Variants in VPS8 observed in about 807,000 individuals in gnomAD.
VPS8 encodes vacuolar protein sorting-associated protein 8 homolog.
Under a neutral mutation model 216.4 loss-of-function variants are expected in VPS8, and 129 were observed. The ratio of observed to expected loss-of-function variants is 0.60; its 90% CI spans 0.52 to 0.69. The LOEUF (loss-of-function observed/expected upper bound fraction) is 0.69. Among genes scored for constraint, VPS8 ranks in the 30% least tolerant of loss-of-function variants. VPS8 has a pLI of 0.00. For missense variants in VPS8, 1,531 were observed against 1,683.5 expected, an observed-to-expected ratio of 0.91 and a Z score of 1.59; for synonymous variants, 571 against 565.4, an observed-to-expected ratio of 1.01 and a Z score of -0.14.
Position 184,920,179 on chromosome 3 carries a change from T to C in VPS8, c.2435T>C (p.Ile812Thr). Residue 812 changes from isoleucine to threonine, a missense_variant, in exon 29 of 48, where the codon ATT becomes ACT. Ile to Thr is a moderately conservative substitution (Grantham distance 89, BLOSUM62 -1). This residue lies in a region of VPS8 where 1,318 missense variants were observed against 1,468.4 expected (regional missense o/e 0.90). Coordinates refer to ENST00000625842, the MANE Select transcript of VPS8 (RefSeq NM_001009921.3). ...DKQAVEYQQR[I>T]VDILLKVMVE... is the part of the protein sequence containing the mutation. ...CAAGCTGTGGAATATCAACAGCGAATTGTGGATATTTTGTTGAAAGTAAGT... is the reference window on the plus strand; with the variant it reads ...CAAGCTGTGGAATATCAACAGCGAACTGTGGATATTTTGTTGAAAGTAAGT... 6.6e-7 allele frequency: 1 copy of C among 1,524,232 alleles called. No homozygotes were observed. Among genetic ancestry groups the C allele is most frequent in the Non-Finnish European group, 8.8e-7 (1 of 1,136,494 alleles). The allele number at this position is 1,524,232 out of a possible 1,614,324, so 94.4% of individuals were successfully genotyped here.
chr3:184,868,910 C>A (rs1160454556), intron 18 of VPS8, 36 bp from the exon 19 acceptor site: 4 of 1,567,200 alleles, frequency 2.6e-6, no homozygotes, highest in Middle Eastern at 1.7e-4. Flanking sequence ...ACTGGTCAGA[C>A]AAAGGGGCCT....
At chr3:185,014,082 A>C (rs1577160153) in intron 45 of VPS8, among the ~76,000 whole-genome samples, 1 of 152,220 alleles carries the variant, frequency 6.6e-6, no homozygotes, top group Non-Finnish European at 1.5e-5. Context: ...GTGATTACAT[A>C]CAGGCATTAT....
chr3:184,952,031 C>A (rs978339099), intron 36 of VPS8, among the ~76,000 whole-genome samples: 2 of 152,166 alleles, frequency 1.3e-5, no homozygotes, highest in Admixed American at 6.5e-5. Flanking sequence ...GTTATTCATA[C>A]TTATGTCTGG....
At chr3:184,815,996 A>G (rs961825534) in intron 1 of VPS8, 13 of 152,270 alleles carry the variant, frequency 8.5e-5, no homozygotes, top group Admixed American at 4.6e-4. Flanking sequence ...ATTTACCTGC[A>G]TCAGTCAGTT....
intron 26 of VPS8, among the ~76,000 whole-genome samples, chr3:184,913,785 G>A (rs1737010778): frequency 6.6e-6 from 1 of 152,126 alleles, no homozygotes; most frequent in Non-Finnish European, 1.5e-5. Flanking sequence ...GCTAGAGAAG[G>A]GATGCTACTG....
At chr3:184,973,521 T>C (rs1200352739) in intron 40 of VPS8, among the ~76,000 whole-genome samples, 1 of 152,222 alleles carries the variant, frequency 6.6e-6, no homozygotes, top group Non-Finnish European at 1.5e-5. Flanking sequence ...AGGATATCTG[T>C]CACCTCAAAC....
At chr3:184,871,209 A>G (rs1356354703) in intron 21 of VPS8, among the ~76,000 whole-genome samples, 1 of 151,332 alleles carries the variant, frequency 6.6e-6, no homozygotes, top group Non-Finnish European at 1.5e-5. Context: ...TCACAAATAT[A>G]TATATATATA....
chr3:184,931,144 G>A (rs1740610543), intron 34 of VPS8, among the ~76,000 whole-genome samples: 3 of 152,172 alleles, frequency 2.0e-5, no homozygotes. Context: ...ATCACAATGT[G>A]TTCTGAAATG....
chr3:185,039,873 C>CTT (rs761146377), intron 46 of VPS8, among the ~76,000 whole-genome samples: 4 of 152,126 alleles, frequency 2.6e-5, no homozygotes, highest in Non-Finnish European at 5.9e-5. Context: ...CAATTTCAAC[C>CTT]TGTTTTTTAA....
chr3:184,834,590 G>A lies in VPS8; in HGVS notation c.354-59G>A, dbSNP rs1720674378. On this transcript the variant is annotated intron_variant, in intron 4 of 47. Coordinates refer to ENST00000625842, the MANE Select transcript of VPS8 (RefSeq NM_001009921.3). ...GTGTGTGTTTTCTTTCAAAGCTTTG[G>A]GACCTCTCCTTTTCACTATTTTTAT... The A allele has an allele frequency of 2.2e-6, 3 of 1,342,080 alleles. No homozygotes were observed. In the African/African-American group the frequency reaches 4.5e-5, roughly 20 times the overall value. The allele number at this position is 1,342,080 out of a possible 1,614,324, so 83.1% of individuals were successfully genotyped here. A position where few individuals can be genotyped will look rare whatever the true frequency, so the allele number is the denominator to read the frequency against.
intron 28 of VPS8, 126 bp from the exon 29 acceptor site, chr3:184,920,001 A>G (rs1738333011): frequency 2.9e-6 from 2 of 688,624 alleles, no homozygotes; most frequent in Admixed American, 3.3e-5. Flanking sequence ...ATAAGACAAA[A>G]CCTAATGAGG....
intron 30 of VPS8, 58 bp downstream of exon 30, chr3:184,925,039 C>G: frequency 1.9e-6 from 3 of 1,539,636 alleles, no homozygotes; most frequent in South Asian, 2.4e-5. Context: ...GCACAGTTCC[C>G]TGGATTACAC....
intron 47 of VPS8, among the ~76,000 whole-genome samples, chr3:185,048,775 G>T (rs540204558): frequency 6.6e-6 from 1 of 152,018 alleles, no homozygotes; most frequent in Admixed American, 6.6e-5. Context: ...TGTCCCCTAC[G>T]TACCATGAGC....
At chr3:185,026,701 CTTTTTTTTTT>C (rs1165255623) in intron 46 of VPS8, among the ~76,000 whole-genome samples, 64 of 85,966 alleles carry the variant, frequency 7.4e-4, no homozygotes, top group African/African-American at 2.6e-3. Context: ...GAGCCACTGT[CTTTTTTTTTT>C]TTTTTTTTTT....
At chr3:184,911,585 T>C (rs1044983883) in intron 25 of VPS8, among the ~76,000 whole-genome samples, 1 of 152,198 alleles carries the variant, frequency 6.6e-6, no homozygotes, top group Non-Finnish European at 1.5e-5. Context: ...TAATTATGCA[T>C]TTGTCTCATG....
intron 7 of VPS8, chr3:184,840,042 C>A: frequency 2.0e-6 from 1 of 489,516 alleles, no homozygotes; most frequent in Non-Finnish European, 2.8e-6. Flanking sequence ...CTTGGGTTAT[C>A]ATCTTGTCTG....
chr3:184,925,227 G>A (rs1009856163), intron 30 of VPS8, among the ~76,000 whole-genome samples: 1 of 152,118 alleles, frequency 6.6e-6, no homozygotes, highest in Admixed American at 6.6e-5. Context: ...CCTAGAATTC[G>A]TTGCTCAAGA....
intron 25 of VPS8, among the ~76,000 whole-genome samples, chr3:184,911,834 A>G (rs951162056): frequency 7.2e-5 from 11 of 152,172 alleles, no homozygotes; most frequent in Admixed American, 2.0e-4. Flanking sequence ...CAGATTGTCA[A>G]CATATCAAAG....
intron 45 of VPS8, among the ~76,000 whole-genome samples, chr3:185,023,215 T>A (rs1406485522): frequency 6.7e-6 from 1 of 148,716 alleles, no homozygotes; most frequent in Non-Finnish European, 1.5e-5. Flanking sequence ...TTAATGAAAC[T>A]ATAAAATAGA....
Sources: gnomAD v4.1 joint callset for allele counts (sites outside exome capture counted in the v4.1 genomes callset) on GRCh38, gnomAD v4.1.1 for gene constraint, gnomAD v4.1.1 regional missense constraint, MANE v1.5 for transcripts, NCBI Gene and HGNC (gene_info 2026-07-23, HGNC 2026-07-21) for gene names.